Variants in PTPRG observed in about 807,000 individuals in gnomAD.
PTPRG encodes receptor-type tyrosine-protein phosphatase gamma.
Under a neutral mutation model 165.3 loss-of-function variants are expected in PTPRG, and 102 were observed. The ratio of observed to expected loss-of-function variants is 0.62; its 90% CI spans 0.53 to 0.73. PTPRG has a LOEUF of 0.73. Ranked by LOEUF, PTPRG falls within the 30% of genes least tolerant of loss-of-function variation. The probability of loss-of-function intolerance (pLI) is 0.00; values close to 1 mark genes in which losing one functional copy is unlikely to be tolerated. For synonymous variants in PTPRG, 675 were observed against 669.5 expected (o/e 1.01, Z -0.13); for missense variants, 1,866 against 1,861.4 (o/e 1.00, Z -0.05).
intron 8 of PTPRG, among the ~76,000 whole-genome samples, chr3:62,186,897 G>C (rs1559620697): frequency 6.6e-6 from 1 of 152,160 alleles, no homozygotes; most frequent in African/African-American, 2.4e-5. Context: ...GGGCTGGGGT[G>C]GGGGCTGGCC....
intron 1 of PTPRG, among the ~76,000 whole-genome samples, chr3:61,563,566 C>T (rs1231794335): frequency 3.3e-5 from 5 of 152,200 alleles, no homozygotes; most frequent in South Asian, 2.1e-4. Context: ...TGCTTTTCAT[C>T]CCTCGCTCCC....
At chr3:61,671,635 G>C (rs1702992032) in intron 1 of PTPRG, among the ~76,000 whole-genome samples, 2 of 148,610 alleles carry the variant, frequency 1.3e-5, no homozygotes, top group South Asian at 4.4e-4. Context: ...ATCATGGCCC[G>C]TTCTCAATGA....
intron 1 of PTPRG, among the ~76,000 whole-genome samples, chr3:61,643,277 AAG>A (rs35814794): frequency 0.065 from 9,724 of 149,600 alleles, 427 homozygotes; most frequent in East Asian, 0.19. Flanking sequence ...GAGAGAGAGA[AAG>A]AGAGAGAGAG....
At chr3:61,652,626 T>A (rs946147896) in intron 1 of PTPRG, among the ~76,000 whole-genome samples, 1 of 152,226 alleles carries the variant, frequency 6.6e-6, no homozygotes, top group Non-Finnish European at 1.5e-5. Context: ...CTTTTCTTAT[T>A]TATATTTAAG....
intron 2 of PTPRG, among the ~76,000 whole-genome samples, chr3:61,791,181 C>T (rs1231611017): frequency 8.5e-5 from 13 of 152,294 alleles, no homozygotes; most frequent in South Asian, 8.3e-4. Flanking sequence ...AGAGCTGAAG[C>T]TTTGAGAATA....
In PTPRG at chr3:62,100,498, C is replaced by G. The variant is rs573838579; in HGVS notation, c.615+22240C>G. ...TGTGCAGTCAGACCACAGAGAGGGG[C>G]TTTCTTCACCATGGATTTGGCATCC... is the stretch of plus-strand genomic sequence containing the variant. On this transcript the variant is annotated intron_variant, in intron 5 of 29. Coordinates refer to ENST00000474889, the MANE Select transcript of PTPRG (RefSeq NM_002841.4). 6.6e-5 allele frequency among the ~76,000 whole-genome samples: 10 copies of G among 152,204 alleles called. 1 individual carries two copies. In the South Asian group the frequency reaches 2.1e-3, roughly 32 times the overall value.
intron 1 of PTPRG, among the ~76,000 whole-genome samples, chr3:61,746,295 T>C (rs1324302771): frequency 6.9e-6 from 1 of 144,778 alleles, no homozygotes; most frequent in Non-Finnish European, 1.5e-5. Flanking sequence ...CTCGGCTCAC[T>C]GCAAGCCCCG....
chr3:61,654,045 A>G (rs924372318), intron 1 of PTPRG, among the ~76,000 whole-genome samples: 20 of 152,208 alleles, frequency 1.3e-4, no homozygotes, highest in Admixed American at 1.2e-3. Context: ...CATGAGATAC[A>G]TGCCCTTCCA....
intron 2 of PTPRG, among the ~76,000 whole-genome samples, chr3:61,923,953 A>G (rs116393691): frequency 0.01 from 1,588 of 152,220 alleles, 33 homozygotes; most frequent in African/African-American, 0.033. Context: ...AGAAACATTC[A>G]TTTCCATTAT....
At chr3:61,799,627 C>T (rs935810980) in intron 2 of PTPRG, among the ~76,000 whole-genome samples, 1 of 152,280 alleles carries the variant, frequency 6.6e-6, no homozygotes. Context: ...GAAGATAACA[C>T]AGGTAAAGTG....
chr3:61,773,737 T>C (rs2034282181), intron 2 of PTPRG, among the ~76,000 whole-genome samples: 1 of 151,842 alleles, frequency 6.6e-6, no homozygotes, highest in African/African-American at 2.4e-5. Flanking sequence ...GGAAAAAAAA[T>C]TGTCATGTAA....
intron 17 of PTPRG, among the ~76,000 whole-genome samples, chr3:62,266,743 G>A (rs1428516638): frequency 1.3e-5 from 2 of 149,748 alleles, no homozygotes; most frequent in African/African-American, 5.0e-5. Flanking sequence ...TTTCTACCTA[G>A]GGAAAATAAA....
At chr3:62,108,921 GTAGATTC>G (rs1191143856) in intron 5 of PTPRG, among the ~76,000 whole-genome samples, 1 of 151,344 alleles carries the variant, frequency 6.6e-6, no homozygotes, top group East Asian at 1.9e-4. Flanking sequence ...TAATTTCTTT[GTAGATTC>G]TAGATATTAG....
chr3:62,122,375 G>T (rs183938450), intron 5 of PTPRG, among the ~76,000 whole-genome samples: 154 of 152,264 alleles, frequency 1.0e-3, no homozygotes, highest in African/African-American at 3.6e-3. Flanking sequence ...TGGCCTGTGA[G>T]GTATTGCTTA....
chr3:61,729,374 TG>T (rs1408268107), intron 1 of PTPRG, among the ~76,000 whole-genome samples: 1 of 152,202 alleles, frequency 6.6e-6, no homozygotes, highest in Non-Finnish European at 1.5e-5. Flanking sequence ...GGCAACTGAT[TG>T]ACATTTAAAA....
chr3:62,055,722 A>C lies in PTPRG; in HGVS notation c.520-22441A>C, dbSNP rs1700611302. On this transcript the variant is annotated intron_variant, in intron 4 of 29. Coordinates refer to ENST00000474889, the MANE Select transcript of PTPRG (RefSeq NM_002841.4). Reference sequence around the variant, plus strand: ...TCTTAGCTTCTGGTGGTTTGCAGGCAGTCTTTGACATTTCTTGGCTTTGTA... The same window carrying C: ...TCTTAGCTTCTGGTGGTTTGCAGGCCGTCTTTGACATTTCTTGGCTTTGTA... Among the ~76,000 whole-genome samples, 4 of 152,288 alleles carry C rather than the reference A, an allele frequency of 2.6e-5. No homozygotes were observed. The South Asian group carries it at 8.3e-4, about 32-fold the overall frequency.
chr3:62,039,569 C>T (rs1161145436), intron 4 of PTPRG, among the ~76,000 whole-genome samples: 1 of 152,110 alleles, frequency 6.6e-6, no homozygotes, highest in Non-Finnish European at 1.5e-5. Flanking sequence ...ATATGAACTT[C>T]AGTTCTCAAT....
At chr3:61,882,516 A>G (rs1403465230) in intron 2 of PTPRG, among the ~76,000 whole-genome samples, 2 of 152,220 alleles carry the variant, frequency 1.3e-5, no homozygotes, top group African/African-American at 4.8e-5. Flanking sequence ...CAGAGTTAGT[A>G]TGAGGTACTA....
intron 1 of PTPRG, among the ~76,000 whole-genome samples, chr3:61,662,990 T>C (rs1054992485): frequency 1.1e-4 from 16 of 152,042 alleles, no homozygotes; most frequent in African/African-American, 3.1e-4. Flanking sequence ...TTCACAACCA[T>C]TGAAAAGAGC....
Sources: gnomAD v4.1 joint callset for allele counts (sites outside exome capture counted in the v4.1 genomes callset) on GRCh38, gnomAD v4.1.1 for gene constraint, MANE v1.5 for transcripts, NCBI Gene and HGNC (gene_info 2026-07-23, HGNC 2026-07-21) for gene names.